LINGO2: variants seen among roughly 807,000 people sequenced by gnomAD.
LINGO2 encodes leucine-rich repeat and immunoglobulin-like domain-containing nogo receptor-interacting protein 2.
In LINGO2, 14 loss-of-function variants were observed where a neutral mutation model predicts 30.6. The ratio of observed to expected loss-of-function variants is 0.46; its 90% CI spans 0.30 to 0.72. The LOEUF is 0.72. LINGO2 is among the 30% of genes least tolerant of loss of function. The probability of loss-of-function intolerance (pLI) is 0.07; values close to 1 mark genes in which losing one functional copy is unlikely to be tolerated. For synonymous variants in LINGO2, 317 were observed against 288.5 expected (o/e 1.10, Z -1.00); for missense variants, 729 against 751.7 (o/e 0.97, Z 0.35).
the LINGO2 span, among the ~76,000 whole-genome samples, chr9:28,915,821 AG>A: frequency 2.0e-5 from 3 of 152,198 alleles, no homozygotes; most frequent in African/African-American, 7.2e-5. Flanking sequence ...CTAGCAGAGG[AG>A]ACAGAATAAA....
chr9:29,128,303 C>A, the LINGO2 span, among the ~76,000 whole-genome samples: 5 of 152,084 alleles, frequency 3.3e-5, no homozygotes, highest in Non-Finnish European at 5.9e-5. Context: ...TAGTACTAAG[C>A]CTTCCTTAGA....
chr9:28,429,689 A>C lies in LINGO2; in HGVS notation c.-279+46251T>G, dbSNP rs543191464. On this transcript the variant is annotated intron_variant, in intron 2 of 5. Transcript: ENST00000379992. ...AATAGTCTTCAAGCTCTCATACACTAAACTAATTACCATACTCATCACCAC... is the reference window on the plus strand; with the variant it reads ...AATAGTCTTCAAGCTCTCATACACTCAACTAATTACCATACTCATCACCAC... Among the ~76,000 whole-genome samples the C allele has an allele frequency of 5.3e-5, 8 of 152,284 alleles. No homozygotes were observed. The East Asian group carries it at 1.5e-3, about 29-fold the overall frequency.
the LINGO2 span, among the ~76,000 whole-genome samples, chr9:28,738,247 T>C: frequency 6.6e-6 from 1 of 152,190 alleles, no homozygotes; most frequent in Admixed American, 6.5e-5. Context: ...TCCTGAGATC[T>C]ATCCCTGCCT....
the LINGO2 span, among the ~76,000 whole-genome samples, chr9:28,913,844 C>T: frequency 6.6e-5 from 10 of 152,152 alleles, no homozygotes; most frequent in East Asian, 5.8e-4. Context: ...CCAAGTAATA[C>T]GTTATAGTGA....
chr9:28,072,738 T>A (rs1320960692), intron 4 of LINGO2, among the ~76,000 whole-genome samples: 1 of 152,092 alleles, frequency 6.6e-6, no homozygotes, highest in Non-Finnish European at 1.5e-5. Flanking sequence ...CAGTGTAAAA[T>A]ACCCCAGAGT....
chr9:28,278,968 C>A (rs1823226776), intron 4 of LINGO2, among the ~76,000 whole-genome samples: 2 of 152,076 alleles, frequency 1.3e-5, no homozygotes, highest in Non-Finnish European at 2.9e-5. Context: ...AAAATAACAA[C>A]CCTAACAAGA....
At chr9:29,055,265 C>T in the LINGO2 span, among the ~76,000 whole-genome samples, 11 of 151,724 alleles carry the variant, frequency 7.3e-5, no homozygotes, top group African/African-American at 1.2e-4. Flanking sequence ...ATATCTAGCA[C>T]AAAAAAAGAA....
At chr9:28,624,878 C>T (rs1010593560) in intron 1 of LINGO2, among the ~76,000 whole-genome samples, 20 of 151,128 alleles carry the variant, frequency 1.3e-4, no homozygotes, top group African/African-American at 4.6e-4. Flanking sequence ...TTACTGTTCA[C>T]TCTCCTCTCC....
intron 4 of LINGO2, among the ~76,000 whole-genome samples, chr9:28,191,871 A>C (rs1251961644): frequency 6.6e-6 from 1 of 152,106 alleles, no homozygotes; most frequent in Non-Finnish European, 1.5e-5. Context: ...GCCAGGTCTT[A>C]TTCTCTTACT....
At chr9:29,109,098 G>A in the LINGO2 span, among the ~76,000 whole-genome samples, 2 of 151,788 alleles carry the variant, frequency 1.3e-5, no homozygotes, top group African/African-American at 2.4e-5. Flanking sequence ...TGTAGACTGA[G>A]TTTACATATA....
intron 5 of LINGO2, among the ~76,000 whole-genome samples, chr9:27,951,506 T>G (rs1402050339): frequency 6.6e-6 from 1 of 152,184 alleles, no homozygotes; most frequent in African/African-American, 2.4e-5. Context: ...AGAAAAAGTA[T>G]CATTTAATGA....
chr9:27,998,851 G>C (rs1449637228), intron 5 of LINGO2, among the ~76,000 whole-genome samples: 1 of 152,112 alleles, frequency 6.6e-6, no homozygotes, highest in Non-Finnish European at 1.5e-5. Context: ...ATCCATAACT[G>C]CCACAGCATG....
the LINGO2 span, among the ~76,000 whole-genome samples, chr9:29,164,619 C>T: frequency 5.9e-5 from 9 of 151,930 alleles, no homozygotes; most frequent in Non-Finnish European, 1.2e-4. Context: ...AACGTAATTA[C>T]GCAGTGCAGA....
chr9:27,981,551 G>GAAAAAAAAAAAAAA (rs1279785343), intron 5 of LINGO2, among the ~76,000 whole-genome samples: 6 of 87,144 alleles, frequency 6.9e-5, no homozygotes, highest in African/African-American at 1.3e-4. Context: ...AAAAAAAAAA[G>GAAAAAAAAAAAAAA]AAAAAAAAGA....
chr9:27,983,385 A>C (rs1820974301), intron 5 of LINGO2, among the ~76,000 whole-genome samples: 1 of 151,814 alleles, frequency 6.6e-6, no homozygotes, highest in Non-Finnish European at 1.5e-5. Flanking sequence ...CACAGTGAGG[A>C]AGTGAGACAC....
the LINGO2 span, among the ~76,000 whole-genome samples, chr9:28,839,041 G>A: frequency 6.6e-6 from 1 of 152,182 alleles, no homozygotes; most frequent in African/African-American, 2.4e-5. Flanking sequence ...GGTGGCGCCT[G>A]GAAACTTGGA....
chr9:28,241,340 C>G (rs922534601), intron 4 of LINGO2, among the ~76,000 whole-genome samples: 2 of 148,004 alleles, frequency 1.4e-5, no homozygotes, highest in Non-Finnish European at 3.0e-5. Context: ...GCCAAGATAG[C>G]CAACTAGAAG....
the LINGO2 span, among the ~76,000 whole-genome samples, chr9:28,950,582 G>A: frequency 6.6e-6 from 1 of 152,030 alleles, no homozygotes; most frequent in Non-Finnish European, 1.5e-5. Flanking sequence ...AAAATCACAA[G>A]CATTCCTATA....
At chr9:28,893,185 T>A in the LINGO2 span, among the ~76,000 whole-genome samples, 419 of 152,108 alleles carry the variant, frequency 2.8e-3, 4 homozygotes, top group Admixed American at 0.011. Flanking sequence ...TCTCCCAGAA[T>A]GTTTCCATCT....
Sources: gnomAD v4.1 joint callset for allele counts (sites outside exome capture counted in the v4.1 genomes callset) on GRCh38, gnomAD v4.1.1 for gene constraint, MANE v1.5 for transcripts, NCBI Gene and HGNC (gene_info 2026-07-23, HGNC 2026-07-21) for gene names.